SH3PXD2B: variants seen among roughly 807,000 people sequenced by gnomAD.
SH3PXD2B encodes SH3 and PX domains 2B.
Under a neutral mutation model 73.1 loss-of-function variants are expected in SH3PXD2B, and 37 were observed. The ratio of observed to expected loss-of-function variants is 0.51; its 90% CI spans 0.39 to 0.67. The LOEUF (loss-of-function observed/expected upper bound fraction) is 0.67, where lower values mean the gene tolerates loss of function less well. Ranked by LOEUF, SH3PXD2B falls within the 30% of genes least tolerant of loss-of-function variation. The pLI is 0.00. For missense variants in SH3PXD2B, 1,053 were observed against 1,197.8 expected, an observed-to-expected ratio of 0.88 and a Z score of 1.78; for synonymous variants, 457 against 480.5, an observed-to-expected ratio of 0.95 and a Z score of 0.64.
At chr5:172,449,227 T>C (rs1206692364) in intron 1 of SH3PXD2B, among the ~76,000 whole-genome samples, 2 of 152,196 alleles carry the variant, frequency 1.3e-5, no homozygotes. Flanking sequence ...CAGTCGGGGC[T>C]GAATAAATGG....
chr5:172,432,654 C>T (rs1285606367), intron 1 of SH3PXD2B, among the ~76,000 whole-genome samples: 1 of 152,070 alleles, frequency 6.6e-6, no homozygotes, highest in Non-Finnish European at 1.5e-5. Flanking sequence ...GGGTGCGGTC[C>T]GCCTGTAATC....
rs375043929 is a variant in SH3PXD2B, at chr5:172,346,310, C to T, written c.1063-49G>A. ...ATCTCCAAGGCTAAGTGCACTCCTG[C>T]GACCCTGTGTCAGGGGGAGTCTAAG... On this transcript the variant is annotated intron_variant, in intron 11 of 12. Transcript: ENST00000311601. 2.4e-5 allele frequency: 38 copies of T among 1,610,988 alleles called. No individual in the cohort carries two copies. In the African/African-American group the frequency reaches 2.4e-4, roughly 10 times the overall value.
At chr5:172,432,994 A>G (rs1338276571) in intron 1 of SH3PXD2B, among the ~76,000 whole-genome samples, 3 of 151,856 alleles carry the variant, frequency 2.0e-5, no homozygotes, top group Non-Finnish European at 4.4e-5. Flanking sequence ...CTGTACACAC[A>G]CACACACAGT....
rs148963025 is a variant in SH3PXD2B at position 172,353,361 on chromosome 5, G to A, written c.785+527C>T. On this transcript the variant is annotated intron_variant, in intron 9 of 12. Coordinates refer to ENST00000311601, the MANE Select transcript of SH3PXD2B (RefSeq NM_001017995.3). The surrounding 1 kb of genome is among the most constrained non-coding windows in gnomAD (Gnocchi z 4.3). ...TTACTAAAACCAGGCAAGGCAGGAC[G>A]AGCTGGCCACCCTGCCTGCCTGGGA... Among the ~76,000 whole-genome samples the A allele has an allele frequency of 2.8e-3, 420 of 152,310 alleles. 6 individuals are homozygous for A. The highest frequency in any genetic ancestry group is 9.7e-3 in the African/African-American group (402 of 41,552).
chr5:172,390,812 C>CG (rs1561919080), intron 4 of SH3PXD2B, among the ~76,000 whole-genome samples: 5 of 123,494 alleles, frequency 4.0e-5, no homozygotes, highest in African/African-American at 1.6e-4. Context: ...AGCTTCCCGT[C>CG]TTTTGTGTGT....
chr5:172,434,782 G>GTTTTTGTTTTTTTGTTTTTTTTTT (rs1554087271), intron 1 of SH3PXD2B, among the ~76,000 whole-genome samples: 3 of 66,350 alleles, frequency 4.5e-5, no homozygotes, highest in African/African-American at 1.4e-4. Flanking sequence ...ATGGCCAATG[G>GTTTTTGTTTTTTTGTTTTTTTTTT]TTTTTTTTTT....
At chr5:172,329,076 TATATA>T (rs1436606535), downstream of SH3PXD2B, among the ~76,000 whole-genome samples, 1 of 81,470 alleles carries the variant, frequency 1.2e-5, no homozygotes, top group African/African-American at 4.5e-5. Context: ...TATATATATA[TATATA>T]TATTTTTTTT....
At chr5:172,365,690 C>G (rs527461455) in intron 6 of SH3PXD2B, among the ~76,000 whole-genome samples, 75 of 152,350 alleles carry the variant, frequency 4.9e-4, no homozygotes, top group African/African-American at 1.7e-3. Context: ...GGCTGCTTCA[C>G]GTCCCCTTCC....
rs1356406043 is a variant in SH3PXD2B, at chr5:172,445,008, C to T, written c.75+9270G>A. 5.3e-5 allele frequency among the ~76,000 whole-genome samples: 8 copies of T among 152,186 alleles called. No individual in the cohort carries two copies. Among genetic ancestry groups the T allele is most frequent in the African/African-American group, 1.7e-4 (7 of 41,450 alleles). ...CAAACCTCTTCTGCTTTTTCAAACA[C>T]GCCATGTGCCAGGGTTTCCATTTCT... On this transcript the variant is annotated intron_variant, in intron 1 of 12. Coordinates refer to ENST00000311601, the MANE Select transcript of SH3PXD2B (RefSeq NM_001017995.3). This position sits in a 1 kb window ranked among gnomAD's most constrained non-coding sequence, Gnocchi z 5.2.
chr5:172,341,051 G>T (rs1319678448), intron 12 of SH3PXD2B, among the ~76,000 whole-genome samples: 5 of 152,152 alleles, frequency 3.3e-5, no homozygotes, highest in African/African-American at 1.2e-4. Context: ...ATGGTGGGTG[G>T]AATCACTCAT....
Position 172,396,733 on chromosome 5 carries a change from G to A in SH3PXD2B, c.233-2094C>T, listed in dbSNP as rs190409838. ...AAGTCAAGGCAGGTGGATAACCTGAGGTCAGGAATTTGAGACTAGCCTGGC... is the reference window on the plus strand; with the variant it reads ...AAGTCAAGGCAGGTGGATAACCTGAAGTCAGGAATTTGAGACTAGCCTGGC... On this transcript the variant is annotated intron_variant, in intron 3 of 12. Coordinates refer to ENST00000311601, the MANE Select transcript of SH3PXD2B (RefSeq NM_001017995.3). 4.9e-3 allele frequency among the ~76,000 whole-genome samples: 744 copies of A among 151,784 alleles called. 1 individual carries two copies. The highest frequency in any genetic ancestry group is 7.2e-3 in the Non-Finnish European group (491 of 67,988).
intron 1 of SH3PXD2B, among the ~76,000 whole-genome samples, chr5:172,439,269 ACAAAAACAAAACAAAAAAAAAACCCC>A (rs1759479435): frequency 1.3e-5 from 1 of 75,028 alleles, no homozygotes; most frequent in African/African-American, 4.8e-5. Flanking sequence ...AAAAACAAAA[ACAAAAACAAAACAAAAAAAAAACCCC>A]AAAAAAAAAC....
At chr5:172,415,809 T>C (rs1455038764) in intron 2 of SH3PXD2B, among the ~76,000 whole-genome samples, 1 of 152,092 alleles carries the variant, frequency 6.6e-6, no homozygotes, top group Non-Finnish European at 1.5e-5. Flanking sequence ...AAAGGGAGAA[T>C]CAGAGAGGCT....
chr5:172,414,813 C>A (rs978146074), intron 2 of SH3PXD2B, among the ~76,000 whole-genome samples: 3 of 152,144 alleles, frequency 2.0e-5, no homozygotes, highest in Non-Finnish European at 2.9e-5. Flanking sequence ...TGGTTCTGTG[C>A]CCCCCTGCCA....
At position 172,336,054 on chromosome 5, in the gene SH3PXD2B, C is replaced by T. The variant is rs1032328648; in HGVS notation, c.*2315G>A. The stretch of plus-strand genomic sequence containing the variant: ...AAGGAATGAAGCAAGAGAGAAACTC[C>T]TTCAGTGAAGTCAGCAGACAGGACT... On this transcript the variant is annotated 3_prime_UTR_variant, in exon 13 of 13. Transcript: ENST00000311601. 4 of 992,848 alleles carry T rather than the reference C, an allele frequency of 4.0e-6. No homozygotes were observed. The highest frequency in any genetic ancestry group is 6.1e-5 in the Admixed American group (1 of 16,420). The allele number at this position is 992,848 out of a possible 1,614,324, so 61.5% of individuals were successfully genotyped here.
rs190164580 is a variant in SH3PXD2B, at chr5:172,437,374, G to C, written c.76-14878C>G. Among the ~76,000 whole-genome samples the C allele has an allele frequency of 1.4e-3, 209 of 152,290 alleles. 1 individual carries two copies. The highest frequency in any genetic ancestry group is 4.9e-3 in the African/African-American group (202 of 41,552). ...TTTGGAACTGCAGCACCCAAAGTTT[G>C]TTTGATTTCCCAACACCCCAGGGCA... is the stretch of plus-strand genomic sequence containing the variant. On this transcript the variant is annotated intron_variant, in intron 1 of 12. Coordinates refer to ENST00000311601, the MANE Select transcript of SH3PXD2B (RefSeq NM_001017995.3).
In SH3PXD2B at chr5:172,327,773, G is replaced by C. The variant is rs1280408875; in HGVS notation, c.1189-2393C>G. 1.5e-4 allele frequency among the ~76,000 whole-genome samples: 14 copies of C among 93,640 alleles called. No individual in the cohort carries two copies. The South Asian group carries it at 2.6e-3, about 18-fold the overall frequency. The allele number at this position is 93,640 out of a possible 152,430, so 61.4% of individuals were successfully genotyped here. A position where few individuals can be genotyped will look rare whatever the true frequency, so the allele number is the denominator to read the frequency against. The stretch of plus-strand genomic sequence containing the variant: ...CTGGGTTTTTTTTTTTTTTTTTTTT[G>C]AGATGGAGTCTTACTCTGTCACCCA... On this transcript the variant is annotated intron_variant, in intron 12 of 12. Transcript: ENST00000519643.
At chr5:172,424,451 C>T (rs938854610) in intron 1 of SH3PXD2B, among the ~76,000 whole-genome samples, 2 of 152,206 alleles carry the variant, frequency 1.3e-5, no homozygotes, top group Non-Finnish European at 2.9e-5. Context: ...TAGCCAGAGT[C>T]TCTTTTCAAA....
At chr5:172,373,580 GCATCCATCCATC>G (rs10625047) in intron 6 of SH3PXD2B, among the ~76,000 whole-genome samples, 198 bp downstream of exon 6, 149 of 147,772 alleles carry the variant, frequency 1.0e-3, no homozygotes, top group African/African-American at 3.4e-3. Flanking sequence ...AATCAATCAA[GCATCCATCCATC>G]CATCCATCCA....
Sources: gnomAD v4.1 joint callset for allele counts (sites outside exome capture counted in the v4.1 genomes callset) on GRCh38, gnomAD v4.1.1 for gene constraint, Gnocchi (gnomAD v3.1) non-coding constraint, MANE v1.5 for transcripts, NCBI Gene and HGNC (gene_info 2026-07-23, HGNC 2026-07-21) for gene names.